Variants in MAP3K4 observed in about 807,000 individuals in gnomAD.
MAP3K4 encodes the protein MAP three kinase 1.
Under a neutral mutation model 185.6 loss-of-function variants are expected in MAP3K4, and 67 were observed. That is an observed-to-expected ratio of 0.36 (90% CI 0.30 to 0.44). MAP3K4 has a LOEUF of 0.44. MAP3K4 is among the 20% of genes least tolerant of loss of function. The pLI, the probability that MAP3K4 is intolerant of heterozygous loss-of-function variation, is 1.00. For synonymous variants in MAP3K4, 702 were observed against 710.4 expected, an observed-to-expected ratio of 0.99 and a Z score of 0.19; for missense variants, 1,551 against 1,995.1, an observed-to-expected ratio of 0.78 and a Z score of 4.24.
chr6:161,096,127 T>C lies in MAP3K4; in HGVS notation c.3428-953T>C, dbSNP rs550509798. Among the ~76,000 whole-genome samples, 13 of 152,324 alleles carry C rather than the reference T, an allele frequency of 8.5e-5. No individual in the cohort carries two copies. In the East Asian group the frequency reaches 2.5e-3, roughly 29 times the overall value. ...AGACACAAATTGCCTGAGGGTTTTT[T>C]GTTAACAATCCCTTAAGTTTTGTTT... On this transcript the variant is annotated intron_variant, in intron 15 of 26. Coordinates refer to ENST00000392142, the MANE Select transcript of MAP3K4 (RefSeq NM_005922.4). This position sits in a 1 kb window ranked among gnomAD's most constrained non-coding sequence, Gnocchi z 4.9.
Position 161,107,178 on chromosome 6 carries a change from T to C in MAP3K4, c.4048+473T>C, listed in dbSNP as rs1285256872. ...TTAATTAATTTCCAGGTGGAATTGC[T>C]TCATGTAAAATAGTCGTAAATTATG... On this transcript the variant is annotated intron_variant, in intron 20 of 26. Transcript: ENST00000392142. The surrounding 1 kb of genome is among the most constrained non-coding windows in gnomAD (Gnocchi z 6.2). 6.6e-6 allele frequency among the ~76,000 whole-genome samples: 1 copy of C among 152,192 alleles called. No individual in the cohort carries two copies. The highest frequency in any genetic ancestry group is 1.5e-5 in the Non-Finnish European group (1 of 68,030).
At chr6:161,032,265 T>C (rs1583139904) in intron 1 of MAP3K4, among the ~76,000 whole-genome samples, 1 of 152,286 alleles carries the variant, frequency 6.6e-6, no homozygotes, top group East Asian at 1.9e-4. Context: ...CATGCTCAAC[T>C]CCTAGGTGAG....
intron 1 of MAP3K4, among the ~76,000 whole-genome samples, chr6:160,997,900 G>A (rs1012333171): frequency 1.6e-4 from 25 of 152,136 alleles, no homozygotes; most frequent in Admixed American, 1.6e-3. Context: ...TGAAGTATAG[G>A]CTGAGAATTC....
At chr6:161,026,348 G>A (rs897119701) in intron 1 of MAP3K4, among the ~76,000 whole-genome samples, 9 of 151,992 alleles carry the variant, frequency 5.9e-5, no homozygotes, top group Admixed American at 5.9e-4. Context: ...TGTTAGCCAG[G>A]ATGGTCTTGA....
Position 161,109,155 on chromosome 6 carries a change from C to T in MAP3K4, c.4236+296C>T, listed in dbSNP as rs1042900907. ...ACACCACTTCTTGTGACTTTTTTTC[C>T]GTTTTTTTGCTGAACCACTGTTGAG... On this transcript the variant is annotated intron_variant, in intron 22 of 26. Transcript: ENST00000392142. This position sits in a 1 kb window ranked among gnomAD's most constrained non-coding sequence, Gnocchi z 5.7. 9 of 637,890 alleles carry T rather than the reference C, an allele frequency of 1.4e-5. No individual in the cohort carries two copies. The highest frequency in any genetic ancestry group is 2.1e-5 in the Non-Finnish European group (8 of 380,122). The allele number at this position is 637,890 out of a possible 1,614,324, so 39.5% of individuals were successfully genotyped here. A position where few individuals can be genotyped will look rare whatever the true frequency, so the allele number is the denominator to read the frequency against.
chr6:161,107,986 C>T lies in MAP3K4; in HGVS notation c.4119+17C>T, dbSNP rs764041566. ...ATGAAAGAGGTGAGTCACCTGGCTC[C>T]GTGGGGCCTTTGGGCCTGGCGGCTC... On this transcript the variant is annotated intron_variant, in intron 21 of 26. Transcript: ENST00000392142. The surrounding 1 kb of genome is among the most constrained non-coding windows in gnomAD (Gnocchi z 6.2). The T allele has an allele frequency of 6.8e-6, 11 of 1,612,550 alleles. No individual in the cohort carries two copies. Among genetic ancestry groups the T allele is most frequent in the Admixed American group, 1.7e-5 (1 of 59,874 alleles).
chr6:161,085,814 A>C (rs1459613875), intron 7 of MAP3K4, among the ~76,000 whole-genome samples: 1 of 152,214 alleles, frequency 6.6e-6, no homozygotes, highest in Non-Finnish European at 1.5e-5. Context: ...GAGCGGTTCC[A>C]GTTCAGGGGG....
chr6:161,104,468 C>T (rs1440698886), intron 19 of MAP3K4, among the ~76,000 whole-genome samples: 1 of 150,344 alleles, frequency 6.7e-6, no homozygotes, highest in African/African-American at 2.5e-5. Context: ...AATCCCAGCA[C>T]TTTGGGAGGC....
chr6:160,997,484 CAT>C (rs1781053243), intron 1 of MAP3K4, among the ~76,000 whole-genome samples: 2 of 152,306 alleles, frequency 1.3e-5, no homozygotes, highest in South Asian at 2.1e-4. Context: ...TGTTTAGTGA[CAT>C]GTGAAGATGC....
intron 15 of MAP3K4, among the ~76,000 whole-genome samples, chr6:161,094,796 T>A (rs961128315): frequency 5.9e-5 from 9 of 152,234 alleles, no homozygotes; most frequent in Non-Finnish European, 1.3e-4. Flanking sequence ...GCATTTTATA[T>A]AAAGCATGCT....
chr6:161,079,244 A>G (rs55925816), intron 5 of MAP3K4, among the ~76,000 whole-genome samples: 4,365 of 142,430 alleles, frequency 0.031, 199 homozygotes, highest in Middle Eastern at 0.13. Flanking sequence ...AGCAGTGGGA[A>G]CAGGAGGAAG....
intron 19 of MAP3K4, among the ~76,000 whole-genome samples, chr6:161,105,836 T>C (rs1778040492): frequency 1.3e-5 from 1 of 75,380 alleles, no homozygotes; most frequent in Admixed American, 2.0e-4. Context: ...TTTTGGTTTT[T>C]TGTTTTTTTT....
At chr6:161,042,178 T>G (rs1265757491) in intron 2 of MAP3K4, among the ~76,000 whole-genome samples, 1 of 152,162 alleles carries the variant, frequency 6.6e-6, no homozygotes, top group African/African-American at 2.4e-5. Context: ...CAGTCCCTTC[T>G]TAGCAGCAGG....
Position 160,991,959 on chromosome 6 carries a change from C to T in MAP3K4, c.28C>T (p.Pro10Ser), listed in dbSNP as rs1780719632. 1 of 1,545,610 alleles carries T rather than the reference C, an allele frequency of 6.5e-7. No individual in the cohort carries two copies. The highest frequency in any genetic ancestry group is 8.7e-7 in the Non-Finnish European group (1 of 1,153,348). Residue 10 changes from proline to serine, a missense_variant, in exon 1 of 27, where the codon CCT (proline) becomes TCT (serine). Pro to Ser is a moderately conservative substitution (Grantham distance 74). Transcript: ENST00000392142. The surrounding 1 kb of genome is among the most constrained non-coding windows in gnomAD (Gnocchi z 5.7). MREAAAALV[P>S]PPAFAVTPAA... is the part of the protein sequence containing the mutation. ...GAGAGAAGCCGCTGCCGCGCTGGTC[C>T]CTCCTCCCGCCTTTGCCGTCACGCC...
rs534055503 is a variant in MAP3K4, at chr6:161,105,581, G to T, written c.3857-933G>T. 4.6e-5 allele frequency among the ~76,000 whole-genome samples: 7 copies of T among 152,298 alleles called. No individual in the cohort carries two copies. In the East Asian group the frequency reaches 1.4e-3, roughly 29 times the overall value. ...CATCAGAGATGGCTTCCTAGAAGAGGCGTGGCATTTCAGCTGCACTGTGTG... is the reference window on the plus strand; with the variant it reads ...CATCAGAGATGGCTTCCTAGAAGAGTCGTGGCATTTCAGCTGCACTGTGTG... On this transcript the variant is annotated intron_variant, in intron 19 of 26. Coordinates refer to ENST00000392142, the MANE Select transcript of MAP3K4 (RefSeq NM_005922.4).
At position 161,070,937 on chromosome 6, in the gene MAP3K4, T is replaced by A; in HGVS notation, c.1950+87T>A. ...TTTTTATTTTGAGAGTTCCTTTTTT[T>A]TTCTTAATTGTCGCAAATAGTGAAA... On this transcript the variant is annotated intron_variant, in intron 4 of 26. Coordinates refer to ENST00000392142, the MANE Select transcript of MAP3K4 (RefSeq NM_005922.4). This position sits in a 1 kb window ranked among gnomAD's most constrained non-coding sequence, Gnocchi z 4.5. 1 of 1,263,690 alleles carries A rather than the reference T, an allele frequency of 7.9e-7. No individual in the cohort carries two copies. Among genetic ancestry groups the A allele is most frequent in the East Asian group, 2.6e-5 (1 of 39,114 alleles). 78.3% of individuals were successfully genotyped at this position (1,263,690 alleles called of 1,614,324 possible).
In MAP3K4 at chr6:161,093,827, A is replaced by G; in HGVS notation, c.3403A>G (p.Ser1135Gly). ...TGGCCATGTCATAGGAAAACCACAC[A>G]GTCCTGTTACAGGTTTGTACCTTGG... ...CIGHVIGKPH[S>G]PVTGLYLAIH... Residue 1135 changes from serine to glycine, a missense_variant, in exon 15 of 27, where the codon AGT (serine) becomes GGT (glycine). This residue lies in a region of MAP3K4 where 272 missense variants were observed against 301.2 expected (regional missense o/e 0.90). Transcript: ENST00000392142. This position sits in a 1 kb window ranked among gnomAD's most constrained non-coding sequence, Gnocchi z 5.2. The G allele has an allele frequency of 6.2e-7, 1 of 1,613,820 alleles. No individual in the cohort carries two copies. Among genetic ancestry groups the G allele is most frequent in the Non-Finnish European group, 8.5e-7 (1 of 1,179,826 alleles).
intron 2 of MAP3K4, among the ~76,000 whole-genome samples, chr6:161,039,867 A>C (rs1248411321): frequency 1.3e-5 from 2 of 152,200 alleles, no homozygotes; most frequent in Non-Finnish European, 2.9e-5. Flanking sequence ...ATTTAAAGTA[A>C]GGTATTGTTT....
At chr6:160,992,157 G>T in intron 1 of MAP3K4, 74 bp downstream of exon 1, 1 of 1,425,722 alleles carries the variant, frequency 7.0e-7, no homozygotes, top group South Asian at 1.5e-5. Context: ...TCGGGCCCGA[G>T]GGCCTCTGCT....
Sources: gnomAD v4.1 joint callset for allele counts (sites outside exome capture counted in the v4.1 genomes callset) on GRCh38, gnomAD v4.1.1 for gene constraint, gnomAD v4.1.1 regional missense constraint, Gnocchi (gnomAD v3.1) non-coding constraint, MANE v1.5 for transcripts, NCBI Gene and HGNC (gene_info 2026-07-23, HGNC 2026-07-21) for gene names.